DPP6: variants seen among roughly 807,000 people sequenced by gnomAD.
DPP6 encodes the protein A-type potassium channel modulatory protein DPP6.
DPP6 carries 69 observed loss-of-function variants against 122.6 expected under a neutral mutation model. That is an observed-to-expected ratio of 0.56 (90% CI 0.46 to 0.69). The LOEUF is 0.69. Among genes scored for constraint, DPP6 ranks in the 30% least tolerant of loss-of-function variants. The pLI is 0.00. For missense variants in DPP6, 928 were observed against 1,116.9 expected, an observed-to-expected ratio of 0.83 and a Z score of 2.41; for synonymous variants, 418 against 433.1, an observed-to-expected ratio of 0.97 and a Z score of 0.43.
chr7:154,029,809 A>C (rs2901958), intron 1 of DPP6, among the ~76,000 whole-genome samples: 1 of 151,050 alleles, frequency 6.6e-6, no homozygotes, highest in Non-Finnish European at 1.5e-5. Context: ...TCACGCCACT[A>C]CACTCCAACC....
intron 1 of DPP6, among the ~76,000 whole-genome samples, chr7:154,062,299 C>G (rs111774412): frequency 3.1e-5 from 1 of 32,546 alleles, no homozygotes; most frequent in African/African-American, 1.4e-4. Flanking sequence ...TCTTCCCCCC[C>G]GGCTCTGAGG....
chr7:154,564,980 G>A (rs1308977611), intron 4 of DPP6, among the ~76,000 whole-genome samples: 1 of 152,162 alleles, frequency 6.6e-6, no homozygotes, highest in Non-Finnish European at 1.5e-5. Flanking sequence ...ACTGTTGAAA[G>A]TGGGTCCCAG....
At chr7:154,444,389 T>C (rs56302542) in intron 1 of DPP6, among the ~76,000 whole-genome samples, 31,684 of 151,656 alleles carry the variant, frequency 0.21, 4,276 homozygotes, top group African/African-American at 0.39. Context: ...GGCGTGAACC[T>C]GGGAGGCAGA....
chr7:154,889,653 A>G, intron 25 of DPP6, 123 bp downstream of exon 25: 2 of 1,469,344 alleles, frequency 1.4e-6, no homozygotes, highest in Non-Finnish European at 1.8e-6. Context: ...GTGGTCGGTG[A>G]TGAGCAAGGT....
At chr7:154,029,578 G>A (rs1302868303) in intron 1 of DPP6, among the ~76,000 whole-genome samples, 2 of 150,306 alleles carry the variant, frequency 1.3e-5, no homozygotes, top group African/African-American at 4.9e-5. Context: ...TGGGCATGGT[G>A]GCTCACGCCT....
At chr7:153,800,090 G>T in the DPP6 span, among the ~76,000 whole-genome samples, 2 of 152,080 alleles carry the variant, frequency 1.3e-5, no homozygotes, top group African/African-American at 2.4e-5. Context: ...CAAAACAAAA[G>T]AAATTGGTAT....
chr7:154,463,332 C>T (rs887389719), intron 2 of DPP6, among the ~76,000 whole-genome samples: 9 of 151,286 alleles, frequency 5.9e-5, no homozygotes, highest in Middle Eastern at 3.4e-3. Flanking sequence ...CTCAGCCTCC[C>T]GTGTAGCTGG....
intron 1 of DPP6, among the ~76,000 whole-genome samples, chr7:153,960,403 T>C (rs1267761800): frequency 6.6e-6 from 1 of 152,184 alleles, no homozygotes; most frequent in African/African-American, 2.4e-5. Flanking sequence ...ACATTCTTAA[T>C]AGCCGCACCC....
the DPP6 span, among the ~76,000 whole-genome samples, chr7:153,808,730 A>T: frequency 6.6e-6 from 1 of 151,984 alleles, no homozygotes; most frequent in Non-Finnish European, 1.5e-5. Context: ...GCAGGATTTC[A>T]TTCTTTTTTT....
chr7:154,236,581 C>CGTTTATT (rs1453627001), intron 1 of DPP6, among the ~76,000 whole-genome samples: 3 of 152,054 alleles, frequency 2.0e-5, no homozygotes, highest in African/African-American at 7.2e-5. Context: ...AAGATATAGC[C>CGTTTATT]GTTTATTTCT....
intron 2 of DPP6, among the ~76,000 whole-genome samples, chr7:154,448,976 A>G (rs942826137): frequency 4.6e-5 from 7 of 152,226 alleles, no homozygotes; most frequent in African/African-American, 1.7e-4. Flanking sequence ...TTTAGAAGAA[A>G]ACATAGGGAT....
intron 3 of DPP6, among the ~76,000 whole-genome samples, chr7:154,510,556 G>A (rs10232302): frequency 0.24 from 37,006 of 151,766 alleles, 4,737 homozygotes; most frequent in Non-Finnish European, 0.27. Flanking sequence ...AAAATTAGCC[G>A]GGTGTGATAG....
At chr7:153,812,080 C>T in the DPP6 span, among the ~76,000 whole-genome samples, 2 of 152,092 alleles carry the variant, frequency 1.3e-5, no homozygotes, top group Admixed American at 6.5e-5. Flanking sequence ...TATTTTCCAC[C>T]GGATCTCCGT....
intron 1 of DPP6, among the ~76,000 whole-genome samples, chr7:154,206,132 T>C (rs769097696): frequency 6.6e-6 from 1 of 152,286 alleles, no homozygotes; most frequent in Non-Finnish European, 1.5e-5. Context: ...ATCCTCCTTA[T>C]GCTGTCTCTG....
At chr7:154,626,689 C>A (rs1275431374) in intron 5 of DPP6, among the ~76,000 whole-genome samples, 5 of 152,204 alleles carry the variant, frequency 3.3e-5, no homozygotes, top group African/African-American at 1.2e-4. Flanking sequence ...AGACCAGTGA[C>A]TACTATAAGT....
chr7:153,916,369 ATCTCCTCCCC>A (rs932554264), intron 1 of DPP6, among the ~76,000 whole-genome samples: 4 of 46,410 alleles, frequency 8.6e-5, no homozygotes, highest in South Asian at 1.7e-3. Flanking sequence ...GTCCCCTCCT[ATCTCCTCCCC>A]TCTCCTCCCC....
intron 16 of DPP6, among the ~76,000 whole-genome samples, chr7:154,815,060 T>G (rs1370301163): frequency 6.6e-6 from 1 of 152,132 alleles, no homozygotes; most frequent in African/African-American, 2.4e-5. Context: ...ACACTTCCCT[T>G]CTAAGGACTG....
chr7:153,803,834 T>C, the DPP6 span, among the ~76,000 whole-genome samples: 1 of 146,744 alleles, frequency 6.8e-6, no homozygotes, highest in Non-Finnish European at 1.5e-5. Flanking sequence ...TAAATGTGTA[T>C]GTGTACATAC....
the DPP6 span, among the ~76,000 whole-genome samples, chr7:153,818,393 ATGTTTGCTGCAGCAT>A: frequency 6.6e-6 from 1 of 152,042 alleles, no homozygotes; most frequent in African/African-American, 2.4e-5. Flanking sequence ...ATATAAAAGA[ATGTTTGCTGCAGCAT>A]TGTTTGTAAA....
Sources: allele counts gnomAD v4.1 joint callset (sites outside exome capture counted in the v4.1 genomes callset), GRCh38; gene constraint gnomAD v4.1.1; transcripts MANE v1.5; gene names NCBI Gene and HGNC (gene_info 2026-07-23, HGNC 2026-07-21).